NELL2: variants seen among roughly 807,000 people sequenced by gnomAD.
NELL2 encodes protein kinase C-binding protein NELL2.
NELL2 carries 41 observed loss-of-function variants against 109.6 expected under a neutral mutation model. That is an observed-to-expected ratio of 0.37 (90% CI 0.29 to 0.49). The LOEUF is 0.49. Among genes scored for constraint, NELL2 ranks in the 20% least tolerant of loss-of-function variants. NELL2 has a pLI of 0.98. For synonymous variants in NELL2, 355 were observed against 344.7 expected (o/e 1.03, Z -0.33); for missense variants, 900 against 1,008.3 (o/e 0.89, Z 1.45).
At chr12:44,521,566 C>A (rs895231641) in intron 18 of NELL2, among the ~76,000 whole-genome samples, 1 of 149,380 alleles carries the variant, frequency 6.7e-6, no homozygotes, top group African/African-American at 2.5e-5. Context: ...GTGGGGGAGG[C>A]GGAGTTGCTT....
At chr12:44,785,960 T>G (rs1418468219) in intron 3 of NELL2, among the ~76,000 whole-genome samples, 1 of 152,094 alleles carries the variant, frequency 6.6e-6, no homozygotes. Context: ...ATTCAGGACA[T>G]AGGCACGGGC....
intron 1 of NELL2, among the ~76,000 whole-genome samples, chr12:44,891,866 C>A (rs997642566): frequency 1.3e-5 from 2 of 152,228 alleles, no homozygotes; most frequent in Admixed American, 6.5e-5. Context: ...CATCCCCTGC[C>A]TTGAGAGGAT....
At chr12:44,670,771 G>A (rs879337421) in intron 12 of NELL2, among the ~76,000 whole-genome samples, 3 of 151,824 alleles carry the variant, frequency 2.0e-5, no homozygotes, top group East Asian at 3.9e-4. Flanking sequence ...AATTGTATAC[G>A]CACCTAACAC....
At chr12:44,869,499 T>A (rs1344478270) in intron 2 of NELL2, among the ~76,000 whole-genome samples, 1 of 152,204 alleles carries the variant, frequency 6.6e-6, no homozygotes, top group African/African-American at 2.4e-5. Flanking sequence ...ATTCTCTCAC[T>A]GATTCTTTCA....
At chr12:44,719,104 ATT>A in intron 9 of NELL2, among the ~76,000 whole-genome samples, 1 of 152,208 alleles carries the variant, frequency 6.6e-6, no homozygotes, top group Non-Finnish European at 1.5e-5. Context: ...AATAAAAATT[ATT>A]TTCACTTCAT....
chr12:44,741,253 T>A (rs1001365920), intron 9 of NELL2, among the ~76,000 whole-genome samples: 4 of 152,242 alleles, frequency 2.6e-5, no homozygotes, highest in South Asian at 4.1e-4. Context: ...TAGATTATTT[T>A]AAGCTAAAAC....
intron 15 of NELL2, among the ~76,000 whole-genome samples, chr12:44,599,863 A>G (rs1434474185): frequency 2.6e-5 from 4 of 152,006 alleles, no homozygotes; most frequent in Admixed American, 6.6e-5. Flanking sequence ...ATGAATTACA[A>G]TTGAATTGAA....
intron 15 of NELL2, among the ~76,000 whole-genome samples, chr12:44,593,070 C>T (rs1944817766): frequency 6.6e-6 from 1 of 151,956 alleles, no homozygotes; most frequent in Admixed American, 6.6e-5. Context: ...TAGGTGATTC[C>T]AGTATAAAAA....
At chr12:44,693,819 A>G (rs1181674036) in intron 12 of NELL2, among the ~76,000 whole-genome samples, 1 of 152,212 alleles carries the variant, frequency 6.6e-6, no homozygotes, top group Non-Finnish European at 1.5e-5. Context: ...TGAAGAAGGA[A>G]TGATTCTCAT....
At chr12:44,734,651 A>T (rs1460297784) in intron 9 of NELL2, among the ~76,000 whole-genome samples, 1 of 151,940 alleles carries the variant, frequency 6.6e-6, no homozygotes, top group South Asian at 2.1e-4. Context: ...ATAAAAAATT[A>T]AGTTTAGTCA....
At chr12:44,890,536 C>T (rs1371232956) in intron 1 of NELL2, among the ~76,000 whole-genome samples, 3 of 151,852 alleles carry the variant, frequency 2.0e-5, no homozygotes, top group Non-Finnish European at 4.4e-5. Context: ...TTCTCTAAAC[C>T]CCTTCTCTAT....
Position 44,781,541 on chromosome 12 carries a change from C to T in NELL2, c.336-1519G>A, listed in dbSNP as rs181332737. Among the ~76,000 whole-genome samples, 194 of 152,152 alleles carry T rather than the reference C, an allele frequency of 1.3e-3. 1 individual carries two copies. The highest frequency in any genetic ancestry group is 3.4e-3 in the Middle Eastern group (1 of 294). ...GATATAAACTCACAGATTCAAGAAT[C>T]TAAGGAAACCCTAAACAAGATAAAC... On this transcript the variant is annotated intron_variant, in intron 3 of 19. Coordinates refer to ENST00000429094, the MANE Select transcript of NELL2 (RefSeq NM_001145108.2).
intron 2 of NELL2, among the ~76,000 whole-genome samples, chr12:44,850,172 G>A (rs377542611): frequency 6.6e-6 from 1 of 152,100 alleles, no homozygotes; most frequent in Admixed American, 6.5e-5. Flanking sequence ...GAGTAGACAG[G>A]TATAACTTCA....
At chr12:44,768,355 T>G (rs544706930) in intron 9 of NELL2, among the ~76,000 whole-genome samples, 29 of 152,216 alleles carry the variant, frequency 1.9e-4, no homozygotes, top group Middle Eastern at 6.8e-3. Flanking sequence ...AGTACAGTAT[T>G]TAGGAAGCCT....
intron 15 of NELL2, among the ~76,000 whole-genome samples, chr12:44,586,776 G>C (rs1944522545): frequency 1.3e-5 from 2 of 152,082 alleles, no homozygotes; most frequent in Admixed American, 1.3e-4. Flanking sequence ...AAGATATAAG[G>C]GTTATTTTTT....
At chr12:44,633,754 G>A (rs1487567435) in intron 13 of NELL2, among the ~76,000 whole-genome samples, 1 of 152,096 alleles carries the variant, frequency 6.6e-6, no homozygotes, top group East Asian at 1.9e-4. Context: ...ACATTGTTAA[G>A]TACTTGACCA....
chr12:44,649,051 C>G (rs11182599), intron 13 of NELL2, among the ~76,000 whole-genome samples: 76,402 of 151,384 alleles, frequency 0.5, 20,294 homozygotes, highest in East Asian at 0.73. Context: ...CAGGCTTGAG[C>G]CACTGTGCCC....
chr12:44,605,315 A>C (rs1945359047), intron 15 of NELL2, among the ~76,000 whole-genome samples: 1 of 152,172 alleles, frequency 6.6e-6, no homozygotes, highest in Non-Finnish European at 1.5e-5. Flanking sequence ...AATGGCGAAG[A>C]GTAAGGTGAT....
intron 2 of NELL2, among the ~76,000 whole-genome samples, chr12:44,858,027 A>G (rs1944732739): frequency 6.6e-6 from 1 of 152,198 alleles, no homozygotes; most frequent in Non-Finnish European, 1.5e-5. Flanking sequence ...TCAAAAGTCC[A>G]AGGGAGCATG....
Sources: allele counts gnomAD v4.1 joint callset (sites outside exome capture counted in the v4.1 genomes callset), GRCh38; gene constraint gnomAD v4.1.1; transcripts MANE v1.5; gene names NCBI Gene and HGNC (gene_info 2026-07-23, HGNC 2026-07-21).